The following SMAP1 variants were observed in gnomAD, a reference collection of about 807,000 sequenced individuals.
The protein encoded by SMAP1 is stromal membrane-associated protein 1.
SMAP1 carries 24 observed loss-of-function variants against 58.5 expected under a neutral mutation model. That is an observed-to-expected ratio of 0.41 (90% CI 0.30 to 0.58). SMAP1 has a LOEUF of 0.58. SMAP1 is among the 20% of genes least tolerant of loss of function. The pLI is 0.29. For synonymous variants in SMAP1, 216 were observed against 196.6 expected, an observed-to-expected ratio of 1.10 and a Z score of -0.82; for missense variants, 563 against 566.3, an observed-to-expected ratio of 0.99 and a Z score of 0.06.
chr6:70,688,228 T>TAA (rs1767011181), intron 1 of SMAP1, among the ~76,000 whole-genome samples: 5 of 152,332 alleles, frequency 3.3e-5, no homozygotes, highest in Non-Finnish European at 5.9e-5. Flanking sequence ...GGACTGTTTG[T>TAA]AGTTTTTTAG....
In SMAP1 at chr6:70,796,576, C is replaced by T. The variant is rs558994027; in HGVS notation, c.496-2081C>T. On this transcript the variant is annotated intron_variant, in intron 5 of 10. Coordinates refer to ENST00000370455, the MANE Select transcript of SMAP1 (RefSeq NM_001044305.3). ...GTTTTGATTTGGGAAATGGTTGAGTCAGCAGTAGGTAATGTTTCTAGTTAT... is the reference window on the plus strand; with the variant it reads ...GTTTTGATTTGGGAAATGGTTGAGTTAGCAGTAGGTAATGTTTCTAGTTAT... Among the ~76,000 whole-genome samples the T allele has an allele frequency of 5.3e-5, 8 of 152,270 alleles. No individual in the cohort carries two copies. In the South Asian group the frequency reaches 1.7e-3, roughly 32 times the overall value.
chr6:70,714,052 G>T (rs116884225), intron 1 of SMAP1, among the ~76,000 whole-genome samples: 169 of 152,144 alleles, frequency 1.1e-3, no homozygotes, highest in Non-Finnish European at 2.1e-3. Flanking sequence ...TGCAAATATG[G>T]CCACTCTTTT....
chr6:70,841,881 GTACTC>G lies in SMAP1; in HGVS notation c.664+4858_664+4862del, dbSNP rs556438772. The stretch of plus-strand genomic sequence containing the variant: ...TATATGAGAGAGGTGAATACAGAAA[GTACTC>G]TACTTACCTTTCAAACAGAAGATTC... On this transcript the variant is annotated intron_variant, in intron 7 of 10. Coordinates refer to ENST00000370455, the MANE Select transcript of SMAP1 (RefSeq NM_001044305.3). Among the ~76,000 whole-genome samples, 8 of 152,276 alleles carry G rather than the reference GTACTC, an allele frequency of 5.3e-5. No individual in the cohort carries two copies. In the South Asian group the frequency reaches 1.7e-3, roughly 32 times the overall value.
At chr6:70,734,659 G>C (rs566123472) in intron 2 of SMAP1, 2 of 152,790 alleles carry the variant, frequency 1.3e-5, no homozygotes, top group African/African-American at 2.4e-5. Context: ...GCTTGCGCAC[G>C]TGCTGGGTAG....
chr6:70,858,485 G>GTAAC (rs1191904291), intron 10 of SMAP1: 9 of 321,348 alleles, frequency 2.8e-5, no homozygotes, highest in African/African-American at 2.0e-4. Flanking sequence ...AAATTGTAAT[G>GTAAC]TAACTGTAAC....
chr6:70,799,485 G>T (rs1768754050), intron 6 of SMAP1, among the ~76,000 whole-genome samples: 1 of 152,128 alleles, frequency 6.6e-6, no homozygotes. Context: ...AATATTTATG[G>T]TGGCTTGGCT....
intron 1 of SMAP1, among the ~76,000 whole-genome samples, chr6:70,708,852 T>A (rs568969219): frequency 2.6e-5 from 4 of 152,296 alleles, no homozygotes; most frequent in Non-Finnish European, 1.5e-5. Flanking sequence ...TTAAAAAAAA[T>A]TTAGATATTA....
chr6:70,860,262 G>GCCCT lies in SMAP1; in HGVS notation c.1335_1338dup (p.Ser447LeufsTer36). On this transcript the variant is annotated frameshift_variant, in exon 11 of 11. Transcript: ENST00000370455. LOFTEE classifies it high-confidence loss of function. ...CAACCCCTACTGCAGGTTTTGGCCAGCCCTCCAGCACAACAGCAGGATGGT... is the reference window on the plus strand; with the variant it reads ...CAACCCCTACTGCAGGTTTTGGCCAGCCCTCCCTCCAGCACAACAGCAGGATGGT... 1 of 1,613,754 alleles carries GCCCT rather than the reference G, an allele frequency of 6.2e-7. No homozygotes were observed. The highest frequency in any genetic ancestry group is 8.5e-7 in the Non-Finnish European group (1 of 1,179,872).
intron 3 of SMAP1, among the ~76,000 whole-genome samples, chr6:70,771,396 G>A (rs1767300693): frequency 6.6e-6 from 1 of 152,204 alleles, no homozygotes. Flanking sequence ...AGCTGTGGTG[G>A]GCTCCACCCA....
At chr6:70,838,454 T>C (rs1770683459) in intron 7 of SMAP1, among the ~76,000 whole-genome samples, 1 of 152,178 alleles carries the variant, frequency 6.6e-6, no homozygotes, top group Non-Finnish European at 1.5e-5. Context: ...AAATATATTG[T>C]AGGTTATATG....
chr6:70,859,306 T>A lies in SMAP1; in HGVS notation c.1270-894T>A, dbSNP rs986944192. On this transcript the variant is annotated intron_variant, in intron 10 of 10. Transcript: ENST00000370455. ...AGGTGCTAGATGAACCAGGAAGGAG[T>A]TAATACTGGCTCTTACTTCCAGATA... The A allele has an allele frequency of 2.6e-6, 4 of 1,530,346 alleles. No homozygotes were observed. The East Asian group carries it at 9.9e-5, about 38-fold the overall frequency. The allele number at this position is 1,530,346 out of a possible 1,614,324, so 94.8% of individuals were successfully genotyped here.
chr6:70,784,640 AG>A (rs1035471936), intron 4 of SMAP1, among the ~76,000 whole-genome samples: 6 of 152,222 alleles, frequency 3.9e-5, no homozygotes, highest in African/African-American at 1.4e-4. Context: ...AAAAAAAGGC[AG>A]GGGTTGCAAT....
At chr6:70,848,148 A>G (rs914264101) in intron 7 of SMAP1, among the ~76,000 whole-genome samples, 2 of 152,136 alleles carry the variant, frequency 1.3e-5, no homozygotes, top group African/African-American at 4.8e-5. Flanking sequence ...GATCAAAAGG[A>G]TGCATTTAAC....
In SMAP1 at chr6:70,668,226, G is replaced by A. The variant is rs971889825; in HGVS notation, c.118+85G>A. 5 of 1,257,500 alleles carry A rather than the reference G, an allele frequency of 4.0e-6. No homozygotes were observed. In the African/African-American group the frequency reaches 4.7e-5, roughly 12 times the overall value. 77.9% of individuals were successfully genotyped at this position (1,257,500 alleles called of 1,614,324 possible). ...CCGCTGCGGCGCTCGGGGCCCGAGC[G>A]GACGCCTCGGCTTCGCTGGCCGGCT... is the stretch of plus-strand genomic sequence containing the variant. On this transcript the variant is annotated intron_variant, in intron 1 of 10. Transcript: ENST00000370455.
chr6:70,691,585 A>G (rs754213344), intron 1 of SMAP1, among the ~76,000 whole-genome samples: 3 of 152,052 alleles, frequency 2.0e-5, no homozygotes, highest in Non-Finnish European at 4.4e-5. Context: ...AACCATCTCA[A>G]TTCTGTGGCC....
chr6:70,711,150 A>G (rs1257970369), intron 1 of SMAP1, among the ~76,000 whole-genome samples: 2 of 152,258 alleles, frequency 1.3e-5, no homozygotes, highest in Non-Finnish European at 2.9e-5. Flanking sequence ...TAGTAAATAC[A>G]TAAACCAGTA....
At chr6:70,816,749 T>C (rs1769646105) in intron 6 of SMAP1, among the ~76,000 whole-genome samples, 1 of 152,176 alleles carries the variant, frequency 6.6e-6, no homozygotes, top group Admixed American at 6.5e-5. Flanking sequence ...TTGTTAGTAG[T>C]TGTCACTACC....
intron 1 of SMAP1, among the ~76,000 whole-genome samples, chr6:70,712,932 C>T (rs1768117622): frequency 6.6e-6 from 1 of 151,674 alleles, no homozygotes; most frequent in African/African-American, 2.4e-5. Context: ...GCTGAGATTA[C>T]AGGCATGTGC....
chr6:70,847,804 C>T lies in SMAP1; in HGVS notation c.665-4736C>T, dbSNP rs1282877793. Among the ~76,000 whole-genome samples the T allele has an allele frequency of 4.6e-5, 7 of 152,094 alleles. No homozygotes were observed. In the East Asian group the frequency reaches 5.8e-4, roughly 13 times the overall value. Reference sequence around the variant, plus strand: ...CGTAGCTGAGCAAGGTGCATGTCTACGGTGAATTCTGATTAGTTTTCACAG... The same window carrying T: ...CGTAGCTGAGCAAGGTGCATGTCTATGGTGAATTCTGATTAGTTTTCACAG... On this transcript the variant is annotated intron_variant, in intron 7 of 10. Transcript: ENST00000370455.
Sources: gnomAD v4.1 joint callset for allele counts (sites outside exome capture counted in the v4.1 genomes callset) on GRCh38, gnomAD v4.1.1 for gene constraint, MANE v1.5 for transcripts, NCBI Gene and HGNC (gene_info 2026-07-23, HGNC 2026-07-21) for gene names.